F2R: variants seen among roughly 807,000 people sequenced by gnomAD.
F2R encodes proteinase-activated receptor 1.
In F2R, 12 loss-of-function variants were observed where a neutral mutation model predicts 18.3. The observed-to-expected ratio is 0.66, with a 90% confidence interval of 0.42 to 1.06. F2R has a LOEUF of 1.06. F2R is among the 50% of genes least tolerant of loss of function. The probability of loss-of-function intolerance (pLI) is 0.00; values close to 1 mark genes in which losing one functional copy is unlikely to be tolerated. For synonymous variants in F2R, 210 were observed against 219.9 expected (o/e 0.95, Z 0.40); for missense variants, 438 against 530.8 (o/e 0.83, Z 1.72).
intron 1 of F2R, among the ~76,000 whole-genome samples, chr5:76,729,572 A>G (rs1580893579): frequency 1.3e-5 from 2 of 152,334 alleles, no homozygotes; most frequent in Middle Eastern, 3.4e-3. Flanking sequence ...ATAAAAAATT[A>G]CTGCCCAGAC....
At chr5:76,728,693 T>C (rs927283768) in intron 1 of F2R, among the ~76,000 whole-genome samples, 4 of 144,456 alleles carry the variant, frequency 2.8e-5, no homozygotes, top group Admixed American at 2.1e-4. Flanking sequence ...GTCTTTTTTT[T>C]TTTTTTTTTT....
chr5:76,717,911 C>T (rs1748375290), intron 1 of F2R, among the ~76,000 whole-genome samples: 1 of 152,076 alleles, frequency 6.6e-6, no homozygotes, highest in Non-Finnish European at 1.5e-5. Flanking sequence ...ATCCTCATGG[C>T]AGGAGTGGTG....
chr5:76,716,274 C>T lies in F2R; in HGVS notation c.-34C>T. 7.5e-7 allele frequency: 1 copy of T among 1,338,372 alleles called. No homozygotes were observed. The highest frequency in any genetic ancestry group is 9.5e-7 in the Non-Finnish European group (1 of 1,049,642). The allele number at this position is 1,338,372 out of a possible 1,614,324, so 82.9% of individuals were successfully genotyped here. ...AGCGGAGCAGCCCGAGGCGGGGCAGCCTCCCGGAGCAGCGCCGCGCAGAGC... is the reference window on the plus strand; with the variant it reads ...AGCGGAGCAGCCCGAGGCGGGGCAGTCTCCCGGAGCAGCGCCGCGCAGAGC... On this transcript the variant is annotated 5_prime_UTR_variant, in exon 1 of 2. Transcript: ENST00000319211.
intron 1 of F2R, among the ~76,000 whole-genome samples, chr5:76,719,511 C>A (rs1748406929): frequency 6.6e-6 from 1 of 152,096 alleles, no homozygotes. Context: ...ATTGCCTGAA[C>A]CTGGAAGGCA....
intron 1 of F2R, among the ~76,000 whole-genome samples, chr5:76,717,720 C>T (rs1021951933): frequency 6.6e-6 from 1 of 151,942 alleles, no homozygotes; most frequent in African/African-American, 2.4e-5. Context: ...ATGTAATTTG[C>T]ACAATGTAGT....
At chr5:76,731,615 T>C (rs1044236512) in intron 1 of F2R, among the ~76,000 whole-genome samples, 3 of 152,080 alleles carry the variant, frequency 2.0e-5, no homozygotes, top group African/African-American at 7.2e-5. Flanking sequence ...CTGCAACCTC[T>C]GCTGCCCAGG....
intron 1 of F2R, among the ~76,000 whole-genome samples, chr5:76,718,155 A>C (rs745462135): frequency 2.6e-5 from 4 of 152,146 alleles, no homozygotes; most frequent in Non-Finnish European, 1.5e-5. Flanking sequence ...GTGGGTATTT[A>C]TCCCCTTTTG....
rs1276330422 is a variant in F2R at position 76,734,397 on chromosome 5, A to G, written c.*894A>G. 6.6e-6 allele frequency: 1 copy of G among 152,282 alleles called. No individual in the cohort carries two copies. Among genetic ancestry groups the G allele is most frequent in the Non-Finnish European group, 1.5e-5 (1 of 68,044 alleles). The allele number at this position is 152,282 out of a possible 1,614,324, so 9.4% of individuals were successfully genotyped here. On this transcript the variant is annotated 3_prime_UTR_variant, in exon 2 of 2. Transcript: ENST00000319211. ...ACAGCAGTGAGACTGGGGCCACTAC[A>G]TTTGCTCCATCCTCCTGGGATTGGC...
chr5:76,717,999 G>T (rs1748376517), intron 1 of F2R, among the ~76,000 whole-genome samples: 1 of 152,144 alleles, frequency 6.6e-6, no homozygotes, highest in Non-Finnish European at 1.5e-5. Context: ...ACTGGATTCT[G>T]GAACCACTTT....
At chr5:76,716,641 G>A in intron 1 of F2R, 1 of 743,104 alleles carries the variant, frequency 1.3e-6, no homozygotes. Context: ...ACGGGGTGTT[G>A]GATATGGAGG....
chr5:76,726,276 A>G (rs1748551519), intron 1 of F2R, among the ~76,000 whole-genome samples: 1 of 152,136 alleles, frequency 6.6e-6, no homozygotes, highest in Non-Finnish European at 1.5e-5. Flanking sequence ...TCACACCTGT[A>G]ATCCTAGCAC....
intron 1 of F2R, among the ~76,000 whole-genome samples, chr5:76,720,960 C>A (rs1244499203): frequency 6.6e-6 from 1 of 152,128 alleles, no homozygotes; most frequent in Non-Finnish European, 1.5e-5. Flanking sequence ...GCACCTGCCA[C>A]CACGCCTGGC....
Position 76,732,383 on chromosome 5 carries a change from A to G in F2R, c.158A>G (p.Glu53Gly). 6.2e-7 allele frequency: 1 copy of G among 1,614,182 alleles called. No homozygotes were observed. The highest frequency in any genetic ancestry group is 1.3e-5 in the African/African-American group (1 of 75,042). Reference sequence around the variant, plus strand: ...CTCAGGAACCCCAATGATAAATATGAACCATTTTGGGAGGATGAGGAGAAA... The same window carrying G: ...CTCAGGAACCCCAATGATAAATATGGACCATTTTGGGAGGATGAGGAGAAA... ...FLLRNPNDKY[E>G]PFWEDEEKNE... The change falls in exon 2 of 2, where the codon GAA becomes GGA. Residue 53 changes from glutamate to glycine, a missense_variant. By Grantham distance (98) the Glu-to-Gly change is moderately conservative. Coordinates refer to ENST00000319211, the MANE Select transcript of F2R (RefSeq NM_001992.5).
Position 76,733,248 on chromosome 5 carries a change from T to C in F2R, c.1023T>C (p.Ser341=). ...VLLIAHYSFL[S]HTSTTEAAYF... ...TGATTGCGCATTACTCATTCCTTTC[T>C]CACACTTCCACCACAGAGGCTGCCT... Residue 341 remains serine, a synonymous_variant, in exon 2 of 2, where the codon TCT becomes TCC. Transcript: ENST00000319211. 2 of 1,614,198 alleles carry C rather than the reference T, an allele frequency of 1.2e-6. No individual in the cohort carries two copies. The highest frequency in any genetic ancestry group is 8.5e-7 in the Non-Finnish European group (1 of 1,180,044).
At chr5:76,730,945 G>A (rs1467054064) in intron 1 of F2R, among the ~76,000 whole-genome samples, 1 of 152,232 alleles carries the variant, frequency 6.6e-6, no homozygotes, top group Non-Finnish European at 1.5e-5. Flanking sequence ...GCATAGGGCA[G>A]CGATTGTGGG....
At chr5:76,716,828 GT>G in intron 1 of F2R, 1 of 524,430 alleles carries the variant, frequency 1.9e-6, no homozygotes, top group East Asian at 3.4e-5. Flanking sequence ...TTTGTTGGAA[GT>G]TTTTTTCTTG....
At chr5:76,719,969 C>G (rs1748417183) in intron 1 of F2R, among the ~76,000 whole-genome samples, 3 of 152,106 alleles carry the variant, frequency 2.0e-5, no homozygotes, top group Admixed American at 2.0e-4. Context: ...TGCTAGTAAA[C>G]CTAAACAGAA....
In F2R at chr5:76,732,637, G is replaced by C; in HGVS notation, c.412G>C (p.Val138Leu). 1 of 1,614,210 alleles carries C rather than the reference G, an allele frequency of 6.2e-7. No individual in the cohort carries two copies. The highest frequency in any genetic ancestry group is 2.2e-5 in the East Asian group (1 of 44,888). ...GAAAATGAAGGTCAAGAAGCCGGCG[G>C]TGGTGTACATGCTGCACCTGGCCAC... ...ILKMKVKKPA[V>L]VYMLHLATAD... The change falls in exon 2 of 2, where the codon GTG (valine) becomes CTG (leucine). Residue 138 changes from valine to leucine, a missense_variant. Coordinates refer to ENST00000319211, the MANE Select transcript of F2R (RefSeq NM_001992.5).
chr5:76,716,168 T>A lies in F2R; in HGVS notation c.-140T>A. 9 of 477,142 alleles carry A rather than the reference T, an allele frequency of 1.9e-5. No individual in the cohort carries two copies. Among genetic ancestry groups the A allele is most frequent in the East Asian group, 1.4e-4 (3 of 21,956 alleles). 29.6% of individuals were successfully genotyped at this position (477,142 alleles called of 1,614,324 possible). A position where few individuals can be genotyped will look rare whatever the true frequency, so the allele number is the denominator to read the frequency against. On this transcript the variant is annotated 5_prime_UTR_variant, in exon 1 of 2. Coordinates refer to ENST00000319211, the MANE Select transcript of F2R (RefSeq NM_001992.5). Reference sequence around the variant, plus strand: ...CGCTCGCCGAGGGTCGCTTGGACCCTGATCTTACCCGTGGGCACCCTGCGC... The same window carrying A: ...CGCTCGCCGAGGGTCGCTTGGACCCAGATCTTACCCGTGGGCACCCTGCGC...
Sources: gnomAD v4.1 joint callset for allele counts (sites outside exome capture counted in the v4.1 genomes callset) on GRCh38, gnomAD v4.1.1 for gene constraint, MANE v1.5 for transcripts, NCBI Gene and HGNC (gene_info 2026-07-23, HGNC 2026-07-21) for gene names.